The following KAT2B variants were observed in gnomAD, a reference collection of about 807,000 sequenced individuals.
KAT2B encodes the protein histone acetyltransferase KAT2B.
In KAT2B, 36 loss-of-function variants were observed where a neutral mutation model predicts 105.9. The ratio of observed to expected loss-of-function variants is 0.34; its 90% CI spans 0.26 to 0.45. KAT2B has a LOEUF of 0.45. Ranked by LOEUF, KAT2B falls within the 20% of genes least tolerant of loss-of-function variation. The probability of loss-of-function intolerance (pLI) is 1.00; values close to 1 mark genes in which losing one functional copy is unlikely to be tolerated. For synonymous variants in KAT2B, 397 were observed against 377.9 expected, an observed-to-expected ratio of 1.05 and a Z score of -0.59; for missense variants, 820 against 1,021.6, an observed-to-expected ratio of 0.80 and a Z score of 2.69.
chr3:20,136,643 A>G (rs537476516), intron 11 of KAT2B, among the ~76,000 whole-genome samples: 2 of 152,186 alleles, frequency 1.3e-5, no homozygotes, highest in African/African-American at 2.4e-5. Context: ...AGTGATCTTT[A>G]AGATTGAGCT....
intron 1 of KAT2B, among the ~76,000 whole-genome samples, chr3:20,046,977 C>A (rs1372558120): frequency 6.6e-6 from 1 of 152,036 alleles, no homozygotes. Flanking sequence ...ATTATCTGGT[C>A]CAAAATATTA....
intron 13 of KAT2B, among the ~76,000 whole-genome samples, chr3:20,144,903 C>G (rs1261537713): frequency 6.6e-6 from 1 of 151,972 alleles, no homozygotes; most frequent in Non-Finnish European, 1.5e-5. Context: ...TCAAGCAATT[C>G]TCCTGTCCCA....
intron 8 of KAT2B, among the ~76,000 whole-genome samples, chr3:20,121,732 A>G (rs6763542): frequency 0.082 from 8,991 of 109,764 alleles, 434 homozygotes; most frequent in Non-Finnish European, 0.095. Context: ...ACATATGCAT[A>G]TGTGTGTGTG....
intron 1 of KAT2B, among the ~76,000 whole-genome samples, chr3:20,050,724 G>A (rs1697901103): frequency 6.9e-6 from 1 of 145,736 alleles, no homozygotes; most frequent in Admixed American, 6.9e-5. Context: ...TTTTTTTTGA[G>A]ACGGAGTCTC....
intron 2 of KAT2B, among the ~76,000 whole-genome samples, chr3:20,079,751 C>A (rs750038094): frequency 6.6e-6 from 1 of 152,158 alleles, no homozygotes; most frequent in Non-Finnish European, 1.5e-5. Flanking sequence ...TGCCAAAGGA[C>A]GTAAACATGG....
intron 13 of KAT2B, among the ~76,000 whole-genome samples, chr3:20,144,905 C>T (rs1203726699): frequency 1.3e-5 from 2 of 152,056 alleles, no homozygotes; most frequent in Non-Finnish European, 2.9e-5. Flanking sequence ...AAGCAATTCT[C>T]CTGTCCCAGC....
chr3:20,085,320 A>T (rs1437264710), intron 2 of KAT2B, among the ~76,000 whole-genome samples: 3 of 152,200 alleles, frequency 2.0e-5, no homozygotes, highest in Non-Finnish European at 4.4e-5. Flanking sequence ...CTTCAGATTG[A>T]CCTCAAGGAA....
chr3:20,086,077 C>G lies in KAT2B; in HGVS notation c.431-9186C>G, dbSNP rs934455241. The stretch of plus-strand genomic sequence containing the variant: ...CTTGAGCTCAGAAGTTCGAGACCAG[C>G]CTGGACAACATGGTGAAACCCCATC... On this transcript the variant is annotated intron_variant, in intron 2 of 17. Transcript: ENST00000263754. Among the ~76,000 whole-genome samples the G allele has an allele frequency of 2.0e-5, 3 of 151,858 alleles. No homozygotes were observed. The East Asian group carries it at 5.9e-4, about 30-fold the overall frequency.
intron 1 of KAT2B, among the ~76,000 whole-genome samples, chr3:20,067,121 C>G (rs1246735423): frequency 6.6e-6 from 1 of 152,182 alleles, no homozygotes; most frequent in Middle Eastern, 3.4e-3. Flanking sequence ...TTTGGGAAGT[C>G]TCAGTCATTA....
At chr3:20,142,925 A>G (rs571115714) in intron 13 of KAT2B, among the ~76,000 whole-genome samples, 4 of 152,132 alleles carry the variant, frequency 2.6e-5, no homozygotes, top group Non-Finnish European at 5.9e-5. Flanking sequence ...ACCTATGTAC[A>G]TGTATGTGTG....
At chr3:20,041,649 C>T (rs1430991755) in intron 1 of KAT2B, among the ~76,000 whole-genome samples, 1 of 152,150 alleles carries the variant, frequency 6.6e-6, no homozygotes, top group African/African-American at 2.4e-5. Flanking sequence ...CTGTCAGCAG[C>T]GGCTTTGTTT....
Position 20,146,372 on chromosome 3 carries a change from A to G in KAT2B, c.2061A>G (p.Gly687=), listed in dbSNP as rs373119307. Residue 687 remains glycine (G), a synonymous_variant, in exon 14 of 18, where the codon GGA becomes GGG. Transcript: ENST00000263754. The part of the protein sequence containing the change: ...KQAQIRKVYP[G]LSCFKDGVRQ... ...CACAAATTCGAAAAGTTTACCCTGG[A>G]CTTTCATGTTTTAAAGATGGAGTTC... The G allele has an allele frequency of 6.2e-7, 1 of 1,613,634 alleles. No individual in the cohort carries two copies. Among genetic ancestry groups the G allele is most frequent in the South Asian group, 1.1e-5 (1 of 91,070 alleles).
intron 1 of KAT2B, among the ~76,000 whole-genome samples, chr3:20,070,325 A>C (rs1343935804): frequency 1.1e-5 from 1 of 92,050 alleles, no homozygotes; most frequent in Non-Finnish European, 2.2e-5. Context: ...TTTTTTTTTG[A>C]GATGGAGTCT....
In KAT2B at chr3:20,111,689, C is replaced by T. The variant is rs771607683; in HGVS notation, c.945C>T (p.Val315=). The T allele has an allele frequency of 1.2e-6, 2 of 1,614,068 alleles. No homozygotes were observed. The highest frequency in any genetic ancestry group is 2.2e-5 in the East Asian group (1 of 44,868). ...TTGGGAGAACATTGCTTCGCTCGGT[C>T]TTCACTGTTATGAGGCGACAACTCC... ...QVFGRTLLRS[V]FTVMRRQLLE... Residue 315 remains valine (V), a synonymous_variant, in exon 6 of 18, where the codon GTC becomes GTT. Coordinates refer to ENST00000263754, the MANE Select transcript of KAT2B (RefSeq NM_003884.5).
intron 4 of KAT2B, 191 bp from the exon 5 acceptor site, chr3:20,101,096 C>T: frequency 3.6e-6 from 2 of 557,494 alleles, no homozygotes; most frequent in South Asian, 5.3e-5. Context: ...TGTCACTTTT[C>T]ATCCACCGTG....
At chr3:20,090,254 G>A (rs750194518) in intron 2 of KAT2B, among the ~76,000 whole-genome samples, 11 of 152,096 alleles carry the variant, frequency 7.2e-5, no homozygotes, top group Admixed American at 7.2e-4. Flanking sequence ...AAGTGGCAAG[G>A]GTGGGTATAT....
At chr3:20,047,078 C>A (rs1481702990) in intron 1 of KAT2B, among the ~76,000 whole-genome samples, 1 of 151,828 alleles carries the variant, frequency 6.6e-6, no homozygotes, top group Admixed American at 6.6e-5. Context: ...GTTTTGCCCC[C>A]CCCTTTTTTT....
In KAT2B at chr3:20,059,412, CAA is replaced by C. The variant is rs34763319; in HGVS notation, c.304-12899_304-12898del. Among the ~76,000 whole-genome samples the C allele has an allele frequency of 5.7e-3, 220 of 38,344 alleles. 2 individuals carry two copies. Among genetic ancestry groups the C allele is most frequent in the Middle Eastern group, 0.033 (1 of 30 alleles). 25.2% of individuals were successfully genotyped at this position (38,344 alleles called of 152,430 possible). A position where few individuals can be genotyped will look rare whatever the true frequency, so the allele number is the denominator to read the frequency against. ...AGCCTGGGCGACAGAGACTCTGTCT[CAA>C]AAAAAAAAAAAAAAAAAAAAAGGCC... On this transcript the variant is annotated intron_variant, in intron 1 of 17. Transcript: ENST00000263754.
chr3:20,071,959 C>T (rs942350020), intron 1 of KAT2B, among the ~76,000 whole-genome samples: 12 of 152,132 alleles, frequency 7.9e-5, no homozygotes, highest in African/African-American at 2.9e-4. Context: ...TAGCCTAGAC[C>T]TTAGCTGTGT....
Sources: allele counts gnomAD v4.1 joint callset (sites outside exome capture counted in the v4.1 genomes callset), GRCh38; gene constraint gnomAD v4.1.1; transcripts MANE v1.5; gene names NCBI Gene and HGNC (gene_info 2026-07-23, HGNC 2026-07-21).